LIMCH1: variants seen among roughly 807,000 people sequenced by gnomAD.
LIMCH1 encodes the protein LIM and calponin homology domains 1.
Under a neutral mutation model 176.5 loss-of-function variants are expected in LIMCH1, and 113 were observed. That is an observed-to-expected ratio of 0.64 (90% CI 0.55 to 0.75). The LOEUF is 0.75. LIMCH1 is among the 30% of genes least tolerant of loss of function. The pLI is 0.00. For missense variants in LIMCH1, 1,674 were observed against 1,814.9 expected (o/e 0.92, Z 1.41); for synonymous variants, 619 against 645.9 (o/e 0.96, Z 0.63).
intron 1 of LIMCH1, among the ~76,000 whole-genome samples, chr4:41,410,190 T>G (rs558053351): frequency 1.3e-5 from 2 of 152,330 alleles, no homozygotes; most frequent in South Asian, 2.1e-4. Flanking sequence ...TGAATGTATT[T>G]TCATCGTACT....
intron 21 of LIMCH1, among the ~76,000 whole-genome samples, chr4:41,670,145 T>C (rs187039056): frequency 5.3e-5 from 8 of 152,340 alleles, no homozygotes; most frequent in African/African-American, 1.9e-4. Context: ...GTAAAATATG[T>C]GCGCATTAAA....
At chr4:41,580,411 A>C (rs375118655) in intron 1 of LIMCH1, among the ~76,000 whole-genome samples, 5 of 152,240 alleles carry the variant, frequency 3.3e-5, no homozygotes, top group Non-Finnish European at 7.3e-5. Context: ...AAATTATGAA[A>C]CACACTCACT....
intron 1 of LIMCH1, among the ~76,000 whole-genome samples, chr4:41,577,884 A>G (rs1344343116): frequency 1.3e-5 from 2 of 152,202 alleles, no homozygotes; most frequent in African/African-American, 4.8e-5. Context: ...CCATAATTCT[A>G]TTTAAGCGAT....
At chr4:41,532,053 C>G (rs997433710) in intron 3 of LIMCH1, among the ~76,000 whole-genome samples, 3 of 152,206 alleles carry the variant, frequency 2.0e-5, no homozygotes, top group Admixed American at 1.3e-4. Context: ...CCACACCACA[C>G]ACAGAGGGAA....
At chr4:41,599,962 AT>A (rs983177182) in intron 2 of LIMCH1, among the ~76,000 whole-genome samples, 2 of 151,878 alleles carry the variant, frequency 1.3e-5, no homozygotes, top group African/African-American at 2.4e-5. Flanking sequence ...TATTTGCTTG[AT>A]TTTTTGTACT....
At chr4:41,585,511 T>C (rs1413295888) in intron 1 of LIMCH1, among the ~76,000 whole-genome samples, 4 of 152,198 alleles carry the variant, frequency 2.6e-5, no homozygotes. Context: ...TGTGCAAGTG[T>C]CTATTTGAGT....
intron 1 of LIMCH1, among the ~76,000 whole-genome samples, chr4:41,424,819 C>T (rs2060925928): frequency 1.3e-5 from 2 of 152,102 alleles, no homozygotes; most frequent in Non-Finnish European, 2.9e-5. Flanking sequence ...TATTGGATTC[C>T]CCTGGGCCAG....
intron 13 of LIMCH1, 83 bp from the exon 14 acceptor site, chr4:41,638,849 C>T: frequency 8.9e-7 from 1 of 1,127,238 alleles, no homozygotes; most frequent in Non-Finnish European, 1.4e-6. Flanking sequence ...ACATGTATTT[C>T]ACCGGCAGTT....
chr4:41,648,658 G>GGTGTGTGT (rs71650941), intron 17 of LIMCH1, among the ~76,000 whole-genome samples: 13,053 of 135,274 alleles, frequency 0.096, 757 homozygotes, highest in Non-Finnish European at 0.12. Context: ...AAGGGGTAGG[G>GGTGTGTGT]GTGTGTGTGT....
At chr4:41,500,494 C>T (rs995744687) in intron 2 of LIMCH1, among the ~76,000 whole-genome samples, 1 of 152,296 alleles carries the variant, frequency 6.6e-6, no homozygotes, top group East Asian at 1.9e-4. Context: ...GCCTGTTTTA[C>T]AAATACAACC....
chr4:41,603,269 CTT>C, intron 2 of LIMCH1, among the ~76,000 whole-genome samples: 1 of 148,436 alleles, frequency 6.7e-6, no homozygotes, highest in Non-Finnish European at 1.5e-5. Context: ...TTCGAAGTAG[CTT>C]TTTTGTTTAT....
intron 1 of LIMCH1, among the ~76,000 whole-genome samples, chr4:41,440,802 GGGATTATA>G (rs2062624591): frequency 6.6e-6 from 1 of 152,102 alleles, no homozygotes; most frequent in Non-Finnish European, 1.5e-5. Flanking sequence ...CCAAAGTGCT[GGGATTATA>G]GGTATAAGCC....
At chr4:41,531,515 C>CACACACAT (rs763489174) in intron 3 of LIMCH1, among the ~76,000 whole-genome samples, 1,621 of 105,838 alleles carry the variant, frequency 0.015, 32 homozygotes, top group African/African-American at 0.072. Context: ...CACACACACA[C>CACACACAT]ATACACACCT....
At chr4:41,652,829 C>A (rs1440929046) in intron 18 of LIMCH1, among the ~76,000 whole-genome samples, 1 of 152,152 alleles carries the variant, frequency 6.6e-6, no homozygotes, top group Non-Finnish European at 1.5e-5. Context: ...GAAGGATGGC[C>A]TTCAGGACTT....
chr4:41,390,465 A>G (rs1015588219), intron 1 of LIMCH1, among the ~76,000 whole-genome samples: 1 of 152,210 alleles, frequency 6.6e-6, no homozygotes, highest in African/African-American at 2.4e-5. Flanking sequence ...CAATGTTACC[A>G]AGGGATGCAT....
chr4:41,636,910 G>A (rs1317487275), intron 13 of LIMCH1, among the ~76,000 whole-genome samples: 3 of 152,140 alleles, frequency 2.0e-5, no homozygotes. Context: ...TTGTGAAAAT[G>A]CATTGAAGTA....
rs1715244020 is a variant in LIMCH1, at chr4:41,680,964, A to G, written c.3622A>G (p.Ile1208Val). ...ERRYYEEERK[I>V]IEDTVVPFTV... The stretch of plus-strand genomic sequence containing the variant: ...CTGTCCTTCCCCTTAGGAGCGTAAG[A>G]TAATTGAAGACACTGTGGTTCCATT... Residue 1208 changes from isoleucine (I) to valine (V), a missense_variant, in exon 25 of 32, where the codon ATA becomes GTA. By Grantham distance (29) the Ile-to-Val change is conservative. Transcript: ENST00000503057. 3.1e-6 allele frequency: 5 copies of G among 1,591,394 alleles called. No homozygotes were observed. In the Admixed American group the frequency reaches 5.0e-5, roughly 16 times the overall value.
chr4:41,462,659 C>G (rs2065540174), intron 1 of LIMCH1, among the ~76,000 whole-genome samples: 1 of 152,128 alleles, frequency 6.6e-6, no homozygotes, highest in Admixed American at 6.5e-5. Flanking sequence ...ATAACATAAA[C>G]TGAAAAGAGC....
chr4:41,538,923 T>G (rs1002528051), intron 1 of LIMCH1, among the ~76,000 whole-genome samples: 3 of 152,194 alleles, frequency 2.0e-5, no homozygotes, highest in Non-Finnish European at 4.4e-5. Context: ...CCTTGCCCAC[T>G]TAGTCCTTGT....
Sources: gnomAD v4.1 joint callset for allele counts (sites outside exome capture counted in the v4.1 genomes callset) on GRCh38, gnomAD v4.1.1 for gene constraint, MANE v1.5 for transcripts, NCBI Gene and HGNC (gene_info 2026-07-23, HGNC 2026-07-21) for gene names.